The following PRKN variants were observed in gnomAD, a reference collection of about 807,000 sequenced individuals.
PRKN encodes the protein parkin RBR E3 ubiquitin protein ligase.
Under a neutral mutation model 59.5 loss-of-function variants are expected in PRKN, and 56 were observed. The ratio of observed to expected loss-of-function variants is 0.94; its 90% CI spans 0.76 to 1.18. The LOEUF is 1.18. PRKN is among the 50% of genes most tolerant of loss of function. PRKN has a pLI of 0.00. For synonymous variants in PRKN, 250 were observed against 222.1 expected (o/e 1.13, Z -1.12); for missense variants, 657 against 596.4 (o/e 1.10, Z -1.06).
At position 161,471,947 on chromosome 6, in the gene PRKN, C is replaced by A. The variant is rs1050162098; in HGVS notation, c.1083+76907G>T. On this transcript the variant is annotated intron_variant, in intron 9 of 11. Coordinates refer to ENST00000366898, the MANE Select transcript of PRKN (RefSeq NM_004562.3). The surrounding 1 kb of genome is among the most constrained non-coding windows in gnomAD (Gnocchi z 4.5). ...CCTGGAATCTGTTTAATTTCAATAC[C>A]AACTTTGGGAGACATTAAAAAAAAA... 6.6e-6 allele frequency among the ~76,000 whole-genome samples: 1 copy of A among 151,604 alleles called. No individual in the cohort carries two copies. Among genetic ancestry groups the A allele is most frequent in the Non-Finnish European group, 1.5e-5 (1 of 67,926 alleles).
intron 6 of PRKN, among the ~76,000 whole-genome samples, chr6:161,959,100 T>G (rs1399439985): frequency 6.6e-6 from 1 of 152,216 alleles, no homozygotes; most frequent in Non-Finnish European, 1.5e-5. Context: ...ACACTTTCTC[T>G]TCTAATACTG....
In PRKN at chr6:161,359,492, C is replaced by T. The variant is rs1210255481; in HGVS notation, c.1285+596G>A. On this transcript the variant is annotated intron_variant, in intron 11 of 11. Coordinates refer to ENST00000366898, the MANE Select transcript of PRKN (RefSeq NM_004562.3). The surrounding 1 kb of genome is among the most constrained non-coding windows in gnomAD (Gnocchi z 5.4). ...TCTGTGATGGTGCCGCTGACTCTGC[C>T]TTGCACACGTACAAGTGCATCACAT... Among the ~76,000 whole-genome samples, 2 of 152,210 alleles carry T rather than the reference C, an allele frequency of 1.3e-5. No homozygotes were observed. The highest frequency in any genetic ancestry group is 2.4e-5 in the African/African-American group (1 of 41,458).
At chr6:162,469,324 GA>G (rs1175934194) in intron 1 of PRKN, among the ~76,000 whole-genome samples, 8 of 118,890 alleles carry the variant, frequency 6.7e-5, no homozygotes, top group Admixed American at 1.0e-4. Flanking sequence ...AGAATTTGTG[GA>G]ATGTTAAGAA....
chr6:162,204,612 C>A (rs1784856701), intron 3 of PRKN, among the ~76,000 whole-genome samples: 1 of 152,158 alleles, frequency 6.6e-6, no homozygotes, highest in Non-Finnish European at 1.5e-5. Context: ...CAACCCAAAA[C>A]ATCAACGAAC....
chr6:161,464,061 C>T (rs2115172719), intron 9 of PRKN, among the ~76,000 whole-genome samples: 1 of 152,256 alleles, frequency 6.6e-6, no homozygotes, highest in East Asian at 1.9e-4. Context: ...GTTGCCCAGG[C>T]TGGAGTGCAA....
At chr6:162,387,902 C>T (rs1165048527) in intron 2 of PRKN, among the ~76,000 whole-genome samples, 1 of 152,196 alleles carries the variant, frequency 6.6e-6, no homozygotes, top group Non-Finnish European at 1.5e-5. Context: ...CTCCAACCAG[C>T]GCTGTCTGTG....
intron 2 of PRKN, among the ~76,000 whole-genome samples, chr6:162,374,190 A>G (rs1187508632): frequency 6.6e-6 from 1 of 152,220 alleles, no homozygotes; most frequent in East Asian, 1.9e-4. Flanking sequence ...GGTTAACCAA[A>G]ACTCTAGGCA....
intron 9 of PRKN, among the ~76,000 whole-genome samples, chr6:161,496,988 G>A (rs1444186521): frequency 2.0e-5 from 3 of 152,210 alleles, no homozygotes; most frequent in Non-Finnish European, 4.4e-5. Flanking sequence ...CATTTCTGCT[G>A]TTCTACGCCA....
At chr6:161,496,689 T>C (rs765094039) in intron 9 of PRKN, among the ~76,000 whole-genome samples, 3 of 152,188 alleles carry the variant, frequency 2.0e-5, no homozygotes, top group Non-Finnish European at 4.4e-5. Flanking sequence ...TAAGGGATAT[T>C]TGGGTGGGGA....
intron 6 of PRKN, among the ~76,000 whole-genome samples, chr6:161,896,006 C>T (rs924106387): frequency 3.8e-4 from 58 of 152,218 alleles, no homozygotes; most frequent in African/African-American, 1.2e-3. Context: ...TAGAGACCAC[C>T]TTGTTATCAG....
intron 9 of PRKN, among the ~76,000 whole-genome samples, chr6:161,411,463 A>C (rs1399779418): frequency 6.6e-6 from 1 of 152,176 alleles, no homozygotes; most frequent in Non-Finnish European, 1.5e-5. Flanking sequence ...TCTCTCCTTG[A>C]TAAGTTACTC....
chr6:162,267,363 T>C (rs1780188611), intron 2 of PRKN: 2 of 151,984 alleles, frequency 1.3e-5, no homozygotes, highest in Admixed American at 6.6e-5. Flanking sequence ...GTACATTGGA[T>C]ACAGTCCAGT....
intron 2 of PRKN, among the ~76,000 whole-genome samples, chr6:162,406,972 A>C (rs1788104756): frequency 6.6e-6 from 1 of 152,032 alleles, no homozygotes; most frequent in Admixed American, 6.6e-5. Flanking sequence ...AATAATGTTG[A>C]CCAAAATTGT....
chr6:162,683,522 A>G (rs1350877623), intron 1 of PRKN, among the ~76,000 whole-genome samples: 12 of 152,278 alleles, frequency 7.9e-5, no homozygotes, highest in Admixed American at 7.8e-4. Context: ...TATGCTATAT[A>G]AATAAGTGAC....
At chr6:162,428,521 C>T (rs144652381) in intron 2 of PRKN, among the ~76,000 whole-genome samples, 22 of 151,608 alleles carry the variant, frequency 1.5e-4, no homozygotes, top group African/African-American at 4.8e-4. Flanking sequence ...GCCCCTCCCA[C>T]AATAACCCAT....
intron 6 of PRKN, among the ~76,000 whole-genome samples, chr6:161,934,470 C>T (rs993499996): frequency 2.0e-5 from 3 of 152,164 alleles, no homozygotes; most frequent in African/African-American, 7.2e-5. Context: ...CATTGGTTTA[C>T]TGATTAGGCC....
intron 5 of PRKN, among the ~76,000 whole-genome samples, chr6:161,974,088 G>A (rs887867451): frequency 3.9e-5 from 6 of 152,168 alleles, no homozygotes; most frequent in South Asian, 2.1e-4. Context: ...CCAATGTGGC[G>A]AAACCCCATC....
At chr6:161,639,005 G>T (rs1254745454) in intron 7 of PRKN, among the ~76,000 whole-genome samples, 2 of 152,004 alleles carry the variant, frequency 1.3e-5, no homozygotes, top group Non-Finnish European at 2.9e-5. Flanking sequence ...GTCTCCCAAA[G>T]TGCTGGGATT....
chr6:161,759,474 G>C (rs4618496), intron 7 of PRKN, among the ~76,000 whole-genome samples: 132,953 of 152,170 alleles, frequency 0.87, 58,271 homozygotes, highest in East Asian at 0.97. Flanking sequence ...ATTTTGACTT[G>C]TAAAAACCAG....
Sources: gnomAD v4.1 joint callset for allele counts (sites outside exome capture counted in the v4.1 genomes callset) on GRCh38, gnomAD v4.1.1 for gene constraint, Gnocchi (gnomAD v3.1) non-coding constraint, MANE v1.5 for transcripts, NCBI Gene and HGNC (gene_info 2026-07-23, HGNC 2026-07-21) for gene names.